ABCB1: variants seen among roughly 807,000 people sequenced by gnomAD.
The protein encoded by ABCB1 is ATP-dependent translocase ABCB1.
ABCB1 carries 69 observed loss-of-function variants against 142.0 expected under a neutral mutation model. The ratio of observed to expected loss-of-function variants is 0.49; its 90% CI spans 0.40 to 0.59. The LOEUF (loss-of-function observed/expected upper bound fraction) is 0.59. ABCB1 is among the 20% of genes least tolerant of loss of function. The probability of loss-of-function intolerance (pLI) is 0.00; values close to 1 mark genes in which losing one functional copy is unlikely to be tolerated. For missense variants in ABCB1, 1,326 were observed against 1,554.7 expected, an observed-to-expected ratio of 0.85 and a Z score of 2.47; for synonymous variants, 532 against 539.2, an observed-to-expected ratio of 0.99 and a Z score of 0.18.
chr7:87,595,673 G>A (rs1584911030), intron 3 of ABCB1, 93 bp downstream of exon 3: 8 of 1,084,254 alleles, frequency 7.4e-6, no homozygotes, highest in South Asian at 3.9e-5. Context: ...TACCCTATAC[G>A]AAAATCTTAC....
intron 1 of ABCB1, among the ~76,000 whole-genome samples, chr7:87,677,124 G>A (rs1412743535): frequency 6.6e-6 from 1 of 152,026 alleles, no homozygotes; most frequent in Non-Finnish European, 1.5e-5. Context: ...TTCTACTTCT[G>A]GGTTATTTAT....
rs760114613 is a variant in ABCB1 at position 87,550,543 on chromosome 7, G to A, written c.1149C>T (p.His383=). 35 of 1,613,456 alleles carry A rather than the reference G, an allele frequency of 2.2e-5. No homozygotes were observed. The East Asian group carries it at 4.2e-4, about 20-fold the overall frequency. The change falls in exon 11 of 28, where the codon CAC becomes CAT. Residue 383 remains histidine, a synonymous_variant. Transcript: ENST00000622132. ...AATTTCCCTTAATATTATCTGGTTT[G>A]TGCCCACTCTTCGAATAGCTGTCAA... ...PSIDSYSKSG[H]KPDNIKGNLE...
intron 1 of ABCB1, among the ~76,000 whole-genome samples, chr7:87,699,946 G>T (rs999587375): frequency 6.6e-6 from 1 of 152,024 alleles, no homozygotes; most frequent in Admixed American, 6.6e-5. Context: ...ACAACACATT[G>T]TATACCTTTT....
chr7:87,687,887 T>C (rs1369094704), intron 1 of ABCB1, among the ~76,000 whole-genome samples: 1 of 152,186 alleles, frequency 6.6e-6, no homozygotes, highest in African/African-American at 2.4e-5. Flanking sequence ...TTAGAAACAA[T>C]GGATAATCAT....
intron 4 of ABCB1, among the ~76,000 whole-genome samples, chr7:87,583,005 T>C (rs1303018456): frequency 1.3e-5 from 2 of 152,208 alleles, no homozygotes; most frequent in Admixed American, 1.3e-4. Flanking sequence ...AGGTACTGAG[T>C]AACTTTGGGT....
intron 1 of ABCB1, among the ~76,000 whole-genome samples, chr7:87,694,632 C>T (rs1379011584): frequency 6.6e-6 from 1 of 152,136 alleles, no homozygotes; most frequent in East Asian, 1.9e-4. Flanking sequence ...TCACTACTGA[C>T]ACACATTATA....
chr7:87,694,099 T>TG, intron 1 of ABCB1: 1 of 1,471,240 alleles, frequency 6.8e-7, no homozygotes, highest in Non-Finnish European at 8.9e-7. Context: ...TGTGTGTTTT[T>TG]GTTTTTTTTT....
chr7:87,698,193 G>A (rs1444741415), intron 1 of ABCB1, among the ~76,000 whole-genome samples: 2 of 152,188 alleles, frequency 1.3e-5, no homozygotes, highest in East Asian at 1.9e-4. Flanking sequence ...TCCACCTCCC[G>A]GGTTCACGCC....
Position 87,520,758 on chromosome 7 carries a change from C to T in ABCB1, c.2786+18G>A, listed in dbSNP as rs778678665. 6 of 1,594,224 alleles carry T rather than the reference C, an allele frequency of 3.8e-6. No individual in the cohort carries two copies. Among genetic ancestry groups the T allele is most frequent in the Non-Finnish European group, 5.2e-6 (6 of 1,162,050 alleles). On this transcript the variant is annotated intron_variant, in intron 22 of 27. Coordinates refer to ENST00000622132, the MANE Select transcript of ABCB1 (RefSeq NM_001348946.2). ...AAAAATTATTCACACTCTCCTCCCA[C>T]TCTTCAGCGGTTATTACCTGTATGG...
At chr7:87,592,129 G>T (rs1258519523) in intron 3 of ABCB1, among the ~76,000 whole-genome samples, 2 of 152,216 alleles carry the variant, frequency 1.3e-5, no homozygotes, top group Non-Finnish European at 2.9e-5. Flanking sequence ...CCACTTTTGT[G>T]TGTGAAGGGA....
intron 27 of ABCB1, among the ~76,000 whole-genome samples, chr7:87,504,696 T>A (rs963642803): frequency 6.6e-6 from 1 of 151,380 alleles, no homozygotes; most frequent in Non-Finnish European, 1.5e-5. Flanking sequence ...TCCCAGCTAG[T>A]CGGGAGGCTG....
chr7:87,503,115 C>T lies in ABCB1; in HGVS notation c.*1128G>A, dbSNP rs1371961665. On this transcript the variant is annotated 3_prime_UTR_variant, in exon 28 of 28. Transcript: ENST00000622132. Reference sequence around the variant, plus strand: ...TTTATTTGATTGTTGAAACTGTATACATTTTTCTCATGCATTTCTTCTTTG... The same window carrying T: ...TTTATTTGATTGTTGAAACTGTATATATTTTTCTCATGCATTTCTTCTTTG... Among the ~76,000 whole-genome samples the T allele has an allele frequency of 6.6e-6, 1 of 151,888 alleles. No individual in the cohort carries two copies. Among genetic ancestry groups the T allele is most frequent in the Non-Finnish European group, 1.5e-5 (1 of 67,938 alleles).
At chr7:87,712,337 A>AT (rs1563154684) in intron 1 of ABCB1, among the ~76,000 whole-genome samples, 1 of 152,142 alleles carries the variant, frequency 6.6e-6, no homozygotes, top group African/African-American at 2.4e-5. Flanking sequence ...AACATTTATC[A>AT]TTACTAAGTT....
At chr7:87,642,512 G>A (rs960516088) in intron 1 of ABCB1, among the ~76,000 whole-genome samples, 6 of 152,068 alleles carry the variant, frequency 3.9e-5, no homozygotes, top group African/African-American at 1.4e-4. Context: ...TTAATTGGGA[G>A]TTCTTTCATA....
chr7:87,623,572 G>C lies in ABCB1; in HGVS notation c.-330-22494C>G, dbSNP rs559277720. On this transcript the variant is annotated intron_variant, in intron 1 of 28. Coordinates refer to the ABCB1 transcript ENST00000265724. ...TTCCATGATGCTCTCTGGAACTTTT[G>C]CTCTATGACCAATACTACCTTGCAT... Among the ~76,000 whole-genome samples, 4 of 152,254 alleles carry C rather than the reference G, an allele frequency of 2.6e-5. No individual in the cohort carries two copies. In the East Asian group the frequency reaches 5.8e-4, roughly 22 times the overall value.
At chr7:87,541,288 T>A in intron 18 of ABCB1, 69 bp downstream of exon 18, 1 of 1,088,578 alleles carries the variant, frequency 9.2e-7, no homozygotes, top group Non-Finnish European at 1.4e-6. Context: ...ACACTGATGT[T>A]TATAAATCCC....
At chr7:87,598,418 C>A (rs376588167) in intron 2 of ABCB1, among the ~76,000 whole-genome samples, 1 of 152,116 alleles carries the variant, frequency 6.6e-6, no homozygotes, top group Non-Finnish European at 1.5e-5. Flanking sequence ...TCCATTCTAC[C>A]GTGAGAGATA....
chr7:87,684,274 A>G (rs952697518), intron 1 of ABCB1, among the ~76,000 whole-genome samples: 7 of 152,220 alleles, frequency 4.6e-5, no homozygotes, highest in Non-Finnish European at 1.0e-4. Context: ...ATTGTTTTAT[A>G]GATTCAATGC....
At chr7:87,532,281 C>T (rs548792385) in intron 20 of ABCB1, among the ~76,000 whole-genome samples, 2 of 152,126 alleles carry the variant, frequency 1.3e-5, no homozygotes, top group Non-Finnish European at 2.9e-5. Context: ...CCCAGACCTG[C>T]CTTTTCTGAA....
Sources: gnomAD v4.1 joint callset for allele counts (sites outside exome capture counted in the v4.1 genomes callset) on GRCh38, gnomAD v4.1.1 for gene constraint, MANE v1.5 for transcripts, NCBI Gene and HGNC (gene_info 2026-07-23, HGNC 2026-07-21) for gene names.